Variants in SLC24A3 observed in about 807,000 individuals in gnomAD.
The protein encoded by SLC24A3 is solute carrier family 24 member 3.
In SLC24A3, 28 loss-of-function variants were observed where a neutral mutation model predicts 75.8. That is an observed-to-expected ratio of 0.37 (90% confidence interval 0.27 to 0.51). SLC24A3 has a LOEUF of 0.51. SLC24A3 is among the 20% of genes least tolerant of loss of function. The pLI is 0.94. For missense variants in SLC24A3, 663 were observed against 847.8 expected (o/e 0.78, Z 2.71); for synonymous variants, 372 against 334.1 (o/e 1.11, Z -1.24).
intron 15 of SLC24A3, among the ~76,000 whole-genome samples, chr20:19,699,791 A>T (rs1003195939): frequency 2.0e-5 from 3 of 152,178 alleles, no homozygotes; most frequent in Non-Finnish European, 2.9e-5. Flanking sequence ...CATGCATGAG[A>T]TGTCTCTATC....
intron 2 of SLC24A3, among the ~76,000 whole-genome samples, chr20:19,362,914 T>A (rs1985817812): frequency 6.6e-6 from 1 of 152,182 alleles, no homozygotes; most frequent in Non-Finnish European, 1.5e-5. Flanking sequence ...GATTGAACAA[T>A]GAAAATGTAG....
intron 12 of SLC24A3, 102 bp downstream of exon 12, chr20:19,685,463 C>A: frequency 6.6e-7 from 1 of 1,523,658 alleles, no homozygotes; most frequent in Non-Finnish European, 8.8e-7. Flanking sequence ...TTTTTAAAAT[C>A]TCTGTATGAA....
Position 19,364,146 on chromosome 20 carries a change from G to A in SLC24A3, c.271+83059G>A, listed in dbSNP as rs564610946. 8.5e-5 allele frequency among the ~76,000 whole-genome samples: 13 copies of A among 152,270 alleles called. No homozygotes were observed. The South Asian group carries it at 2.7e-3, about 32-fold the overall frequency. On this transcript the variant is annotated intron_variant, in intron 2 of 16. Transcript: ENST00000328041. ...GTGGTGGGTTTTATCGTTTCCAAGAGGAGATATCTGGTGTTTGGAGAAGTT... is the reference window on the plus strand; with the variant it reads ...GTGGTGGGTTTTATCGTTTCCAAGAAGAGATATCTGGTGTTTGGAGAAGTT...
intron 6 of SLC24A3, among the ~76,000 whole-genome samples, chr20:19,624,655 G>T (rs778204709): frequency 1.3e-4 from 20 of 152,144 alleles, no homozygotes; most frequent in Non-Finnish European, 2.6e-4. Context: ...ACATCAGCAT[G>T]CTCAAAATCA....
intron 6 of SLC24A3, among the ~76,000 whole-genome samples, chr20:19,603,991 G>T (rs1024513842): frequency 1.1e-4 from 16 of 152,218 alleles, no homozygotes; most frequent in African/African-American, 3.9e-4. Flanking sequence ...AGGCAGCAGA[G>T]ATGTCTGCAA....
intron 1 of SLC24A3, among the ~76,000 whole-genome samples, chr20:19,247,705 A>G (rs1982535838): frequency 6.6e-6 from 1 of 152,226 alleles, no homozygotes; most frequent in Admixed American, 6.5e-5. Flanking sequence ...TTAATTGTAT[A>G]TTGAGAACAT....
chr20:19,599,805 T>C (rs116818011), intron 6 of SLC24A3, among the ~76,000 whole-genome samples: 1,753 of 152,252 alleles, frequency 0.012, 39 homozygotes, highest in African/African-American at 0.04. Context: ...CCTTCCCTCA[T>C]CCTGATGAGT....
chr20:19,462,841 A>G (rs1328135271), intron 2 of SLC24A3, among the ~76,000 whole-genome samples: 1 of 152,160 alleles, frequency 6.6e-6, no homozygotes, highest in East Asian at 1.9e-4. Context: ...ATCCCTAGCA[A>G]TGCTTTTCCA....
At chr20:19,662,506 G>GA (rs1257786983) in intron 7 of SLC24A3, among the ~76,000 whole-genome samples, 1 of 152,232 alleles carries the variant, frequency 6.6e-6, no homozygotes, top group Non-Finnish European at 1.5e-5. Flanking sequence ...TGCGAAAATG[G>GA]ACTTGAACTG....
intron 8 of SLC24A3, 81 bp from the exon 9 acceptor site, chr20:19,673,520 T>C (rs1337110742): frequency 1.9e-5 from 24 of 1,258,526 alleles, no homozygotes; most frequent in Non-Finnish European, 2.0e-5. Context: ...GCCGTTTGCA[T>C]CAAATATGTC....
chr20:19,575,027 A>C (rs1188851832), intron 3 of SLC24A3, among the ~76,000 whole-genome samples: 1 of 152,006 alleles, frequency 6.6e-6, no homozygotes, highest in African/African-American at 2.4e-5. Context: ...AAGTGGGTAG[A>C]TCACTTGAGC....
chr20:19,708,878 G>C (rs539900848), intron 15 of SLC24A3, among the ~76,000 whole-genome samples: 2 of 152,178 alleles, frequency 1.3e-5, no homozygotes, highest in African/African-American at 4.8e-5. Context: ...GGGAAGGAAG[G>C]GTTCTTCCAG....
intron 3 of SLC24A3, among the ~76,000 whole-genome samples, chr20:19,520,493 C>T (rs2030078828): frequency 6.6e-6 from 1 of 152,190 alleles, no homozygotes; most frequent in African/African-American, 2.4e-5. Context: ...CTTCACACTC[C>T]TGTGTCCAGT....
At chr20:19,505,740 C>A (rs78365104) in intron 2 of SLC24A3, among the ~76,000 whole-genome samples, 21,239 of 152,186 alleles carry the variant, frequency 0.14, 1,710 homozygotes, top group African/African-American at 0.23. Flanking sequence ...TTGACAGTTT[C>A]TCTTGAGAGA....
At chr20:19,294,602 C>T (rs1984018519) in intron 2 of SLC24A3, among the ~76,000 whole-genome samples, 1 of 152,110 alleles carries the variant, frequency 6.6e-6, no homozygotes. Context: ...TATATATATG[C>T]AAAGGACACT....
At chr20:19,223,325 G>C (rs1458027171) in intron 1 of SLC24A3, among the ~76,000 whole-genome samples, 2 of 152,114 alleles carry the variant, frequency 1.3e-5, no homozygotes, top group Admixed American at 6.5e-5. Flanking sequence ...GTAATACAGA[G>C]ACATCTCTTA....
intron 2 of SLC24A3, among the ~76,000 whole-genome samples, chr20:19,430,640 G>A (rs1987084932): frequency 6.6e-6 from 1 of 152,094 alleles, no homozygotes; most frequent in Non-Finnish European, 1.5e-5. Context: ...CCCTTGAGAT[G>A]CTCCTGCTGC....
At chr20:19,694,050 T>TG (rs2122136578) in intron 13 of SLC24A3, 1 of 152,466 alleles carries the variant, frequency 6.6e-6, no homozygotes, top group South Asian at 2.1e-4. Flanking sequence ...AGGCATTGTA[T>TG]GAGGTGATCA....
intron 2 of SLC24A3, chr20:19,283,353 A>C (rs1485275932): frequency 6.6e-6 from 1 of 152,326 alleles, no homozygotes; most frequent in Non-Finnish European, 1.5e-5. Context: ...ATGTCTCCAC[A>C]TGTGCTGTTA....
Sources: allele counts gnomAD v4.1 joint callset (sites outside exome capture counted in the v4.1 genomes callset), GRCh38; gene constraint gnomAD v4.1.1; transcripts MANE v1.5; gene names NCBI Gene and HGNC (gene_info 2026-07-23, HGNC 2026-07-21).